The following FHIT variants were observed in gnomAD, a reference collection of about 807,000 sequenced individuals.
The protein encoded by FHIT is fragile histidine triad diadenosine triphosphatase.
In FHIT, 19 loss-of-function variants were observed where a neutral mutation model predicts 17.9. That is an observed-to-expected ratio of 1.06 (90% confidence interval 0.74 to 1.56). The LOEUF is 1.56. Ranked by LOEUF, FHIT falls within the 40% of genes most tolerant of loss-of-function variation. FHIT has a pLI of 0.00. For synonymous variants in FHIT, 81 were observed against 69.7 expected (o/e 1.16, Z -0.81); for missense variants, 248 against 189.2 (o/e 1.31, Z -1.82).
intron 4 of FHIT, among the ~76,000 whole-genome samples, chr3:60,678,174 C>A (rs765815790): frequency 5.9e-5 from 9 of 151,978 alleles, no homozygotes; most frequent in Non-Finnish European, 1.0e-4. Context: ...TTTTTAACAA[C>A]CAATTTATAT....
At chr3:60,782,673 T>TA (rs1575518337) in intron 4 of FHIT, among the ~76,000 whole-genome samples, 1 of 152,178 alleles carries the variant, frequency 6.6e-6, no homozygotes, top group Non-Finnish European at 1.5e-5. Context: ...CATGCTGCTA[T>TA]AAAAAATACC....
intron 4 of FHIT, among the ~76,000 whole-genome samples, chr3:60,553,167 G>T (rs1439192095): frequency 6.6e-6 from 1 of 151,848 alleles, no homozygotes; most frequent in African/African-American, 2.4e-5. Flanking sequence ...CTTTATTTCT[G>T]TATTTAATAT....
intron 5 of FHIT, among the ~76,000 whole-genome samples, chr3:60,320,981 T>C (rs78616045): frequency 1.3e-5 from 2 of 152,194 alleles, no homozygotes; most frequent in Non-Finnish European, 2.9e-5. Context: ...GCCATCATAA[T>C]GGCAGAGCTA....
chr3:60,097,861 C>T (rs1236337623), intron 5 of FHIT, among the ~76,000 whole-genome samples: 1 of 114,944 alleles, frequency 8.7e-6, no homozygotes, highest in Non-Finnish European at 1.8e-5. Flanking sequence ...CTATCCCTCC[C>T]CCCGCCCCCC....
chr3:60,848,572 A>G (rs1462360027), intron 3 of FHIT, among the ~76,000 whole-genome samples: 1 of 152,156 alleles, frequency 6.6e-6, no homozygotes, highest in Non-Finnish European at 1.5e-5. Flanking sequence ...AGTCAGACAG[A>G]TATGGGTTCA....
At chr3:59,814,446 G>T (rs1392420838) in intron 8 of FHIT, among the ~76,000 whole-genome samples, 3 of 152,186 alleles carry the variant, frequency 2.0e-5, no homozygotes, top group Admixed American at 1.3e-4. Context: ...CAAAATAAAA[G>T]AATGTGATAA....
chr3:60,770,333 G>A (rs147498131), intron 4 of FHIT, among the ~76,000 whole-genome samples: 56 of 151,818 alleles, frequency 3.7e-4, no homozygotes, highest in African/African-American at 1.3e-3. Flanking sequence ...AGCGAAATTT[G>A]TCTCGCGTGG....
chr3:60,677,208 A>G (rs1389698171), intron 4 of FHIT, among the ~76,000 whole-genome samples: 1 of 152,176 alleles, frequency 6.6e-6, no homozygotes. Context: ...AAAGGGGTAC[A>G]AGTGCAGTTT....
intron 5 of FHIT, among the ~76,000 whole-genome samples, chr3:60,044,135 G>C (rs1219273117): frequency 6.6e-6 from 1 of 152,140 alleles, no homozygotes; most frequent in Non-Finnish European, 1.5e-5. Context: ...GTGTGGCTTT[G>C]CAGCTCAGAG....
intron 7 of FHIT, among the ~76,000 whole-genome samples, chr3:60,010,250 G>T (rs2106676259): frequency 6.6e-6 from 1 of 152,332 alleles, no homozygotes. Flanking sequence ...CTCACATGGA[G>T]GTGAGACAGT....
chr3:61,052,129 C>T (rs2034049613), intron 2 of FHIT, among the ~76,000 whole-genome samples: 1 of 152,184 alleles, frequency 6.6e-6, no homozygotes, highest in African/African-American at 2.4e-5. Flanking sequence ...AAGGCATATA[C>T]AAATTCTACT....
chr3:60,910,514 C>T (rs1235239867), intron 3 of FHIT, among the ~76,000 whole-genome samples: 1 of 151,664 alleles, frequency 6.6e-6, no homozygotes, highest in Non-Finnish European at 1.5e-5. Context: ...CAGGTTCATG[C>T]CATTCTTCTG....
intron 5 of FHIT, among the ~76,000 whole-genome samples, chr3:60,486,746 T>C (rs2033859911): frequency 6.6e-6 from 1 of 152,194 alleles, no homozygotes; most frequent in Non-Finnish European, 1.5e-5. Context: ...CATGTTATAA[T>C]GCATATTTTA....
intron 5 of FHIT, among the ~76,000 whole-genome samples, chr3:60,478,069 A>C (rs1242075129): frequency 6.6e-6 from 1 of 152,262 alleles, no homozygotes; most frequent in Non-Finnish European, 1.5e-5. Flanking sequence ...AACAACAATT[A>C]GAGCAACAAT....
chr3:60,076,913 C>A (rs1302014420), intron 5 of FHIT, among the ~76,000 whole-genome samples: 2 of 151,942 alleles, frequency 1.3e-5, no homozygotes, highest in African/African-American at 4.8e-5. Flanking sequence ...TCATTTTCCC[C>A]ATCCAAGGAA....
At chr3:59,918,257 T>C (rs1417480883) in intron 8 of FHIT, among the ~76,000 whole-genome samples, 3 of 152,168 alleles carry the variant, frequency 2.0e-5, no homozygotes, top group African/African-American at 4.8e-5. Flanking sequence ...AAATATTCAC[T>C]GAAGGTCCAC....
intron 2 of FHIT, among the ~76,000 whole-genome samples, chr3:61,193,125 G>A (rs149380221): frequency 6.6e-6 from 1 of 152,288 alleles, no homozygotes; most frequent in East Asian, 1.9e-4. Context: ...AAGGGAATGT[G>A]TTACATCCCA....
intron 5 of FHIT, among the ~76,000 whole-genome samples, chr3:60,205,933 C>T (rs1310983323): frequency 2.0e-5 from 3 of 150,790 alleles, no homozygotes; most frequent in Non-Finnish European, 4.4e-5. Flanking sequence ...ACGGTGAAAC[C>T]CCGTCTCTAC....
chr3:60,637,113 C>A (rs1280919651), intron 4 of FHIT, among the ~76,000 whole-genome samples: 1 of 151,944 alleles, frequency 6.6e-6, no homozygotes, highest in Admixed American at 6.6e-5. Flanking sequence ...GAATCCCCTT[C>A]ATTAAAACTA....
Sources: gnomAD v4.1 joint callset for allele counts (sites outside exome capture counted in the v4.1 genomes callset) on GRCh38, gnomAD v4.1.1 for gene constraint, MANE v1.5 for transcripts, NCBI Gene and HGNC (gene_info 2026-07-23, HGNC 2026-07-21) for gene names.